Variants in SLC36A1 observed in about 807,000 individuals in gnomAD.
The protein encoded by SLC36A1 is proton-coupled amino acid transporter 1.
Under a neutral mutation model 47.5 loss-of-function variants are expected in SLC36A1, and 30 were observed. The ratio of observed to expected loss-of-function variants is 0.63; its 90% CI spans 0.47 to 0.86. SLC36A1 has a LOEUF of 0.86. Ranked by LOEUF, SLC36A1 falls within the 40% of genes least tolerant of loss-of-function variation. SLC36A1 has a pLI of 0.00. For missense variants in SLC36A1, 517 were observed against 606.0 expected (o/e 0.85, Z 1.54); for synonymous variants, 255 against 249.7 (o/e 1.02, Z -0.20).
the SLC36A1 span, among the ~76,000 whole-genome samples, chr5:151,519,228 C>T: frequency 6.6e-6 from 1 of 152,314 alleles, no homozygotes; most frequent in Middle Eastern, 3.4e-3. Flanking sequence ...CCTGTAATTC[C>T]AGCTACTCAC....
intron 9 of SLC36A1, among the ~76,000 whole-genome samples, chr5:151,478,721 A>G (rs114126581): frequency 0.026 from 4,013 of 152,176 alleles, 91 homozygotes; most frequent in Non-Finnish European, 0.041. Flanking sequence ...ACAATTTCCC[A>G]TTTCAGAGGC....
chr5:151,516,173 T>C, the SLC36A1 span, among the ~76,000 whole-genome samples: 1 of 152,208 alleles, frequency 6.6e-6, no homozygotes, highest in Non-Finnish European at 1.5e-5. Flanking sequence ...GCTCAATTAT[T>C]ATCTCAATGA....
At chr5:151,393,109 A>C in the SLC36A1 span, among the ~76,000 whole-genome samples, 1 of 151,396 alleles carries the variant, frequency 6.6e-6, no homozygotes, top group Admixed American at 6.6e-5. Context: ...ATATGTATTT[A>C]GGATAGTTAG....
the SLC36A1 span, chr5:151,549,236 T>C: frequency 1.3e-6 from 2 of 1,530,168 alleles, no homozygotes; most frequent in Non-Finnish European, 1.8e-6. Context: ...CCTCTAGTGC[T>C]TTCCTTTATT....
the SLC36A1 span, among the ~76,000 whole-genome samples, chr5:151,509,020 C>G: frequency 6.6e-6 from 1 of 152,126 alleles, no homozygotes; most frequent in Non-Finnish European, 1.5e-5. Context: ...TTGTCAAAGT[C>G]TCTTTCTCTC....
At chr5:151,458,304 G>GTGTGTGTATATATATATATATA (rs1175105944) in intron 1 of SLC36A1, among the ~76,000 whole-genome samples, 4 of 76,592 alleles carry the variant, frequency 5.2e-5, no homozygotes, top group African/African-American at 2.9e-4. Context: ...ACATACACGT[G>GTGTGTGTATATATATATATATA]TATATACGTA....
the SLC36A1 span, chr5:151,521,254 C>T: frequency 6.3e-7 from 1 of 1,577,546 alleles, no homozygotes; most frequent in East Asian, 2.3e-5. Flanking sequence ...CTGCTCGTCC[C>T]TAGGGAAGAT....
downstream of SLC36A1, among the ~76,000 whole-genome samples, chr5:151,494,443 C>T (rs1313693438): frequency 6.6e-6 from 1 of 152,164 alleles, no homozygotes; most frequent in African/African-American, 2.4e-5. Context: ...CCCTTGTGCC[C>T]CTTTGCAATC....
the SLC36A1 span, among the ~76,000 whole-genome samples, chr5:151,508,208 C>T: frequency 1.3e-5 from 2 of 152,204 alleles, no homozygotes; most frequent in Non-Finnish European, 2.9e-5. Context: ...AAAGTTTGCC[C>T]CATCCCATTT....
chr5:151,419,201 G>C, the SLC36A1 span, among the ~76,000 whole-genome samples: 1 of 152,268 alleles, frequency 6.6e-6, no homozygotes. Context: ...TTTTATAGCA[G>C]TGTGAAAATG....
chr5:151,393,288 A>G, the SLC36A1 span, among the ~76,000 whole-genome samples: 1 of 151,962 alleles, frequency 6.6e-6, no homozygotes, highest in Admixed American at 6.5e-5. Context: ...TTTTGAGCCT[A>G]TGTGTGTGTC....
At chr5:151,544,545 C>G in the SLC36A1 span, 1 of 1,614,054 alleles carries the variant, frequency 6.2e-7, no homozygotes, top group South Asian at 1.1e-5. Flanking sequence ...GACTCCGGGC[C>G]TGGGTGTGGA....
chr5:151,511,384 G>C, the SLC36A1 span: 1 of 152,206 alleles, frequency 6.6e-6, no homozygotes, highest in African/African-American at 2.4e-5. Flanking sequence ...TGCATGTGAT[G>C]TATAGAATAG....
At chr5:151,470,743 C>T (rs962789227) in intron 7 of SLC36A1, 3 of 152,304 alleles carry the variant, frequency 2.0e-5, no homozygotes, top group African/African-American at 7.2e-5. Context: ...TGAGGATTCC[C>T]CTACTGTTCA....
At chr5:151,476,540 A>C (rs1425521930) in intron 8 of SLC36A1, 50 bp from the exon 9 acceptor site, 4 of 1,371,244 alleles carry the variant, frequency 2.9e-6, no homozygotes, top group Non-Finnish European at 3.9e-6. Flanking sequence ...CTTGGCCATT[A>C]ACTTTTCTTT....
At chr5:151,361,213 T>G in the SLC36A1 span, among the ~76,000 whole-genome samples, 4 of 152,200 alleles carry the variant, frequency 2.6e-5, no homozygotes, top group Admixed American at 6.5e-5. Context: ...CATAGAGTAC[T>G]ATGTGTAGTG....
At chr5:151,529,098 T>C in the SLC36A1 span, 55,901 of 1,208,732 alleles carry the variant, frequency 0.046, 1,740 homozygotes, top group African/African-American at 0.13. Context: ...TCCATGCTCA[T>C]AGATGGCTGG....
At chr5:151,515,758 A>C in the SLC36A1 span, among the ~76,000 whole-genome samples, 1 of 152,058 alleles carries the variant, frequency 6.6e-6, no homozygotes, top group East Asian at 1.9e-4. Context: ...CTCTTATCCA[A>C]ATTATTGCAG....
chr5:151,463,456 G>A (rs1755865402), intron 2 of SLC36A1, 97 bp from the exon 3 acceptor site: 6 of 901,644 alleles, frequency 6.7e-6, no homozygotes, highest in Non-Finnish European at 1.1e-5. Context: ...TTACAGGGTT[G>A]TTGTGGAAAT....
Sources: gnomAD v4.1 joint callset for allele counts (sites outside exome capture counted in the v4.1 genomes callset) on GRCh38, gnomAD v4.1.1 for gene constraint, MANE v1.5 for transcripts, NCBI Gene and HGNC (gene_info 2026-07-23, HGNC 2026-07-21) for gene names.